Variants in MPC2 observed in about 807,000 individuals in gnomAD.
The protein encoded by MPC2 is mitochondrial pyruvate carrier 2, also known as brain protein 44.
MPC2 carries 19 observed loss-of-function variants against 19.2 expected under a neutral mutation model. That is an observed-to-expected ratio of 0.99 (90% CI 0.69 to 1.45). The LOEUF (loss-of-function observed/expected upper bound fraction) is 1.45, where lower values mean the gene tolerates loss of function less well. MPC2 is among the 40% of genes most tolerant of loss of function. MPC2 has a pLI of 0.00. For missense variants in MPC2, 122 were observed against 153.0 expected (o/e 0.80, Z 1.07); for synonymous variants, 61 against 54.3 (o/e 1.12, Z -0.54).
At chr1:167,936,917 T>C in intron 1 of MPC2, 22 bp downstream of exon 1, 1 of 1,602,718 alleles carries the variant, frequency 6.2e-7, no homozygotes, top group Non-Finnish European at 8.5e-7. Context: ...GAGCCATGTC[T>C]CGGGGTGGCT....
chr1:167,936,671 T>C, intron 1 of MPC2: 1 of 464,036 alleles, frequency 2.2e-6, no homozygotes, highest in Non-Finnish European at 3.9e-6. Context: ...GAGGAGACTG[T>C]TGCTGATCTT....
chr1:167,924,600 C>G, intron 2 of MPC2, 63 bp from the exon 3 acceptor site: 1 of 1,172,672 alleles, frequency 8.5e-7, no homozygotes, highest in Non-Finnish European at 1.2e-6. Context: ...CGTCTTTTAA[C>G]AGCTGTCACC....
At chr1:167,934,663 T>C (rs924138174) in intron 2 of MPC2, among the ~76,000 whole-genome samples, 2 of 152,200 alleles carry the variant, frequency 1.3e-5, no homozygotes, top group African/African-American at 2.4e-5. Context: ...AATCAGATAA[T>C]GGGGGAACTA....
chr1:167,935,583 A>C, intron 2 of MPC2, 150 bp downstream of exon 2: 1 of 600,260 alleles, frequency 1.7e-6, no homozygotes, highest in South Asian at 2.3e-5. Flanking sequence ...GGTGAAATGC[A>C]CAGGCTAGGA....
chr1:167,926,970 C>A (rs1293482501), intron 2 of MPC2, among the ~76,000 whole-genome samples: 1 of 152,202 alleles, frequency 6.6e-6, no homozygotes, highest in Non-Finnish European at 1.5e-5. Context: ...CCTGTATATT[C>A]TTCTATCATT....
chr1:167,930,469 G>T (rs1670876174), intron 2 of MPC2, among the ~76,000 whole-genome samples: 2 of 152,088 alleles, frequency 1.3e-5, no homozygotes, highest in South Asian at 4.1e-4. Flanking sequence ...TAAAAAACTA[G>T]ATCCCTAAAT....
intron 2 of MPC2, among the ~76,000 whole-genome samples, chr1:167,928,481 T>C (rs1670817441): frequency 6.6e-6 from 1 of 152,168 alleles, no homozygotes; most frequent in Admixed American, 6.5e-5. Flanking sequence ...TTTAGACATA[T>C]ATAAAACAGA....
At chr1:167,925,839 G>A (rs1293061530) in intron 2 of MPC2, among the ~76,000 whole-genome samples, 1 of 152,076 alleles carries the variant, frequency 6.6e-6, no homozygotes, top group African/African-American at 2.4e-5. Flanking sequence ...GAGCCACCGT[G>A]CCCGGCCACA....
chr1:167,932,100 A>C (rs1252269590), intron 2 of MPC2, among the ~76,000 whole-genome samples: 1 of 152,112 alleles, frequency 6.6e-6, no homozygotes, highest in African/African-American at 2.4e-5. Flanking sequence ...GTAAAAGGAG[A>C]GCTATAATGC....
intron 3 of MPC2, among the ~76,000 whole-genome samples, chr1:167,921,275 AGCAATGGT>A (rs1670594627): frequency 6.6e-6 from 1 of 151,298 alleles, no homozygotes. Context: ...CAGGTTAGAG[AGCAATGGT>A]GCGATCTAGG....
intron 2 of MPC2, among the ~76,000 whole-genome samples, chr1:167,933,686 C>T (rs1670978416): frequency 6.6e-6 from 1 of 152,178 alleles, no homozygotes; most frequent in Admixed American, 6.5e-5. Context: ...TGAATATTCA[C>T]TCTGGATAAA....
intron 3 of MPC2, among the ~76,000 whole-genome samples, chr1:167,922,271 A>C (rs916179556): frequency 6.6e-6 from 1 of 152,172 alleles, no homozygotes; most frequent in Non-Finnish European, 1.5e-5. Context: ...AGAGACAGAT[A>C]GTCAAGAAGG....
rs938932194 is a variant in MPC2, at chr1:167,917,667, G to A, written c.*656C>T. 6.6e-6 allele frequency: 1 copy of A among 150,982 alleles called. No homozygotes were observed. The highest frequency in any genetic ancestry group is 2.4e-5 in the African/African-American group (1 of 41,062). 9.4% of individuals were successfully genotyped at this position (150,982 alleles called of 1,614,324 possible). A position where few individuals can be genotyped will look rare whatever the true frequency, so the allele number is the denominator to read the frequency against. On this transcript the variant is annotated 3_prime_UTR_variant, in exon 6 of 6. Transcript: ENST00000271373. ...CTGGGATTCAAATTCAGGTCTGTCT[G>A]AATATAGAGTATTTTCTGCTACATT... is the stretch of plus-strand genomic sequence containing the variant.
chr1:167,928,568 A>C (rs1052384045), intron 2 of MPC2, among the ~76,000 whole-genome samples: 2 of 152,180 alleles, frequency 1.3e-5, no homozygotes, highest in Admixed American at 1.3e-4. Context: ...AACTTACTTC[A>C]ACATTTCTAA....
intron 3 of MPC2, among the ~76,000 whole-genome samples, chr1:167,923,151 T>C (rs996474925): frequency 6.6e-6 from 1 of 152,158 alleles, no homozygotes; most frequent in Non-Finnish European, 1.5e-5. Context: ...AAACAAAAAA[T>C]ATTAAGCAGA....
chr1:167,928,961 A>C (rs1282430279), intron 2 of MPC2, among the ~76,000 whole-genome samples: 1 of 152,254 alleles, frequency 6.6e-6, no homozygotes, highest in African/African-American at 2.4e-5. Flanking sequence ...TTTTAGAAAA[A>C]GAATTAATAC....
chr1:167,920,406 A>G (rs887452828), intron 4 of MPC2, 141 bp downstream of exon 4: 14 of 892,394 alleles, frequency 1.6e-5, no homozygotes, highest in Non-Finnish European at 2.3e-5. Flanking sequence ...CCATAACTTA[A>G]TAACTTCCTA....
At position 167,917,590 on chromosome 1, in the gene MPC2, CCT is replaced by C. The variant is rs1177072749; in HGVS notation, c.*731_*732del. 1.4e-5 allele frequency: 2 copies of C among 140,084 alleles called. No homozygotes were observed. The highest frequency in any genetic ancestry group is 2.7e-5 in the African/African-American group (1 of 37,646). 8.7% of individuals were successfully genotyped at this position (140,084 alleles called of 1,614,324 possible). ...TCCAGCCTGGGCCACAGAGCGAGAC[CCT>C]GTCTCAAAAAAAAAAAAAAAAAAAA... On this transcript the variant is annotated 3_prime_UTR_variant, in exon 6 of 6. Transcript: ENST00000271373.
intron 3 of MPC2, among the ~76,000 whole-genome samples, chr1:167,922,033 T>A (rs1388298913): frequency 6.6e-6 from 1 of 152,214 alleles, no homozygotes; most frequent in Non-Finnish European, 1.5e-5. Context: ...CTTCATGTTA[T>A]AGAACATATG....
Sources: allele counts gnomAD v4.1 joint callset (sites outside exome capture counted in the v4.1 genomes callset), GRCh38; gene constraint gnomAD v4.1.1; transcripts MANE v1.5; gene names NCBI Gene and HGNC (gene_info 2026-07-23, HGNC 2026-07-21).